The following DPP10 variants were observed in gnomAD, a reference collection of about 807,000 sequenced individuals.
The protein encoded by DPP10 is dipeptidyl peptidase like 10, also known as inactive dipeptidyl peptidase 10.
A neutral mutation model predicts 120.9 loss-of-function variants in DPP10; 33 were observed. That is an observed-to-expected ratio of 0.27 (90% CI 0.21 to 0.37). The LOEUF (loss-of-function observed/expected upper bound fraction) is 0.37. Among genes scored for constraint, DPP10 ranks in the 10% least tolerant of loss-of-function variants. DPP10 has a pLI of 1.00. For synonymous variants in DPP10, 337 were observed against 326.1 expected (o/e 1.03, Z -0.36); for missense variants, 816 against 942.8 (o/e 0.87, Z 1.76).
intron 1 of DPP10, among the ~76,000 whole-genome samples, chr2:115,234,208 T>G (rs144857163): frequency 7.2e-4 from 110 of 152,256 alleles, no homozygotes; most frequent in African/African-American, 2.6e-3. Flanking sequence ...TCCCTCTCTC[T>G]CCTTTTCTCA....
At chr2:114,795,752 GTA>G (rs1683651333) in intron 1 of DPP10, among the ~76,000 whole-genome samples, 1 of 151,972 alleles carries the variant, frequency 6.6e-6, no homozygotes. Flanking sequence ...AAGAAGTTAG[GTA>G]TGTCATGAAT....
chr2:114,662,644 G>GAGCA (rs1697519974), intron 1 of DPP10, among the ~76,000 whole-genome samples: 1 of 152,184 alleles, frequency 6.6e-6, no homozygotes, highest in Non-Finnish European at 1.5e-5. Context: ...TCCACGGAGA[G>GAGCA]AGCACCCCAG....
chr2:114,879,230 A>G (rs1691408429), intron 1 of DPP10, among the ~76,000 whole-genome samples: 1 of 151,624 alleles, frequency 6.6e-6, no homozygotes, highest in Admixed American at 6.6e-5. Flanking sequence ...CAGGTAGGGC[A>G]TGAGTGCGAA....
chr2:115,236,599 G>A (rs1174989123), intron 1 of DPP10, among the ~76,000 whole-genome samples: 1 of 152,168 alleles, frequency 6.6e-6, no homozygotes, highest in African/African-American at 2.4e-5. Context: ...AGCTTCCACA[G>A]AAGGCTCTCT....
chr2:115,496,678 C>A (rs2076411003), intron 3 of DPP10, among the ~76,000 whole-genome samples: 2 of 152,090 alleles, frequency 1.3e-5, no homozygotes, highest in Non-Finnish European at 2.9e-5. Flanking sequence ...ACACCACAGA[C>A]CTCATCTCAA....
rs571823975 is a variant in DPP10, at chr2:114,625,349, A to G, written c.60+182511A>G. Among the ~76,000 whole-genome samples, 23 of 152,072 alleles carry G rather than the reference A, an allele frequency of 1.5e-4. 1 individual carries two copies. In the South Asian group the frequency reaches 4.6e-3, roughly 30 times the overall value. On this transcript the variant is annotated intron_variant, in intron 1 of 25. Transcript: ENST00000410059. Reference sequence around the variant, plus strand: ...GATCTAGAGGTAGGATCAAAGTTAGATATGTCTTTTTAAACAGGAGTACTT... The same window carrying G: ...GATCTAGAGGTAGGATCAAAGTTAGGTATGTCTTTTTAAACAGGAGTACTT...
rs111711923 is a variant in DPP10, at chr2:115,383,870, G to T, written c.271+39958G>T. On this transcript the variant is annotated intron_variant, in intron 3 of 25. Coordinates refer to ENST00000410059, the MANE Select transcript of DPP10 (RefSeq NM_020868.6). ...AAAAGTTAGTTGAGATTATTTCTCAGCAATGTAGAGCTACTTTGCTGAAAG... is the reference window on the plus strand; with the variant it reads ...AAAAGTTAGTTGAGATTATTTCTCATCAATGTAGAGCTACTTTGCTGAAAG... Among the ~76,000 whole-genome samples, 800 of 152,174 alleles carry T rather than the reference G, an allele frequency of 5.3e-3. 7 individuals carry two copies. Among genetic ancestry groups the T allele is most frequent in the African/African-American group, 0.018 (750 of 41,518 alleles).
intron 1 of DPP10, among the ~76,000 whole-genome samples, chr2:115,118,693 C>A (rs568368454): frequency 6.6e-6 from 1 of 152,088 alleles, no homozygotes; most frequent in East Asian, 1.9e-4. Context: ...AATTCTCCTG[C>A]CTCAGTCTCC....
intron 1 of DPP10, among the ~76,000 whole-genome samples, chr2:115,225,896 G>A (rs529186181): frequency 6.6e-6 from 1 of 151,966 alleles, no homozygotes; most frequent in African/African-American, 2.4e-5. Context: ...TTTGTGTCTG[G>A]ATCAAAAGGC....
chr2:114,500,925 C>T (rs1189578049), intron 1 of DPP10, among the ~76,000 whole-genome samples: 1 of 152,250 alleles, frequency 6.6e-6, no homozygotes, highest in Non-Finnish European at 1.5e-5. Context: ...ATGAATGCCT[C>T]AGAGCCGAGG....
At chr2:114,574,369 C>T (rs1029692101) in intron 1 of DPP10, among the ~76,000 whole-genome samples, 29 of 152,246 alleles carry the variant, frequency 1.9e-4, no homozygotes, top group African/African-American at 7.0e-4. Flanking sequence ...ACAGCGTCAG[C>T]GCCGCTTGCC....
At chr2:115,228,285 C>G (rs1455526409) in intron 1 of DPP10, among the ~76,000 whole-genome samples, 2 of 151,940 alleles carry the variant, frequency 1.3e-5, no homozygotes, top group Admixed American at 6.6e-5. Flanking sequence ...TACAGGAATA[C>G]AATGCATACC....
At chr2:115,361,311 C>T (rs1029591234) in intron 3 of DPP10, among the ~76,000 whole-genome samples, 1 of 152,034 alleles carries the variant, frequency 6.6e-6, no homozygotes, top group Non-Finnish European at 1.5e-5. Flanking sequence ...GCAGCTTTGT[C>T]CTTCTGCCCA....
intron 1 of DPP10, among the ~76,000 whole-genome samples, chr2:114,578,780 A>T (rs1033920642): frequency 3.9e-5 from 6 of 152,204 alleles, no homozygotes; most frequent in Non-Finnish European, 8.8e-5. Context: ...TTCATCTTCA[A>T]TTATAACCTG....
In DPP10 at chr2:114,718,894, T is replaced by A. The variant is rs148258381; in HGVS notation, c.60+276056T>A. Among the ~76,000 whole-genome samples, 926 of 152,258 alleles carry A rather than the reference T, an allele frequency of 6.1e-3. 5 individuals carry two copies. The highest frequency in any genetic ancestry group is 0.02 in the Middle Eastern group (6 of 294). ...AATGTCACAGGGGATTTTGTGACAA[T>A]AATCATCAGCATTGGTAGTGACACA... On this transcript the variant is annotated intron_variant, in intron 1 of 25. Coordinates refer to ENST00000410059, the MANE Select transcript of DPP10 (RefSeq NM_020868.6).
At chr2:115,368,168 C>T (rs572790944) in intron 3 of DPP10, among the ~76,000 whole-genome samples, 31 of 152,040 alleles carry the variant, frequency 2.0e-4, no homozygotes, top group Admixed American at 6.6e-4. Flanking sequence ...CAAAATCATA[C>T]GAAGAAAAAG....
chr2:114,725,999 G>A (rs1160133153), intron 1 of DPP10, among the ~76,000 whole-genome samples: 2 of 152,106 alleles, frequency 1.3e-5, no homozygotes, highest in Admixed American at 6.5e-5. Context: ...TTGGGAGGCC[G>A]AGGCGGGCAG....
intron 1 of DPP10, among the ~76,000 whole-genome samples, chr2:115,247,848 A>G (rs2058600277): frequency 6.6e-6 from 1 of 152,018 alleles, no homozygotes; most frequent in Non-Finnish European, 1.5e-5. Context: ...AAACCAATAT[A>G]CTGTTTTGTT....
chr2:115,724,024 C>G (rs1338870875), intron 7 of DPP10, among the ~76,000 whole-genome samples: 1 of 152,076 alleles, frequency 6.6e-6, no homozygotes, highest in African/African-American at 2.4e-5. Context: ...TAAAACAAGT[C>G]TAATGTTTAA....
Sources: gnomAD v4.1 joint callset for allele counts (sites outside exome capture counted in the v4.1 genomes callset) on GRCh38, gnomAD v4.1.1 for gene constraint, MANE v1.5 for transcripts, NCBI Gene and HGNC (gene_info 2026-07-23, HGNC 2026-07-21) for gene names.